RASGEF1A: variants seen among roughly 807,000 people sequenced by gnomAD.
RASGEF1A encodes the protein RasGEF domain family member 1A.
Under a neutral mutation model 56.4 loss-of-function variants are expected in RASGEF1A, and 18 were observed. The observed-to-expected ratio is 0.32, with a 90% CI of 0.22 to 0.47. The LOEUF is 0.47. RASGEF1A is among the 20% of genes least tolerant of loss of function. The pLI is 1.00. For synonymous variants in RASGEF1A, 245 were observed against 242.6 expected (o/e 1.01, Z -0.09); for missense variants, 422 against 627.1 (o/e 0.67, Z 3.49).
At chr10:43,261,914 A>C (rs2133232429) in intron 1 of RASGEF1A, among the ~76,000 whole-genome samples, 1 of 152,328 alleles carries the variant, frequency 6.6e-6, no homozygotes, top group East Asian at 1.9e-4. Flanking sequence ...TGGACCTTGG[A>C]GTCTGCGTCT....
chr10:43,238,466 AT>A (rs1840463853), intron 1 of RASGEF1A, among the ~76,000 whole-genome samples: 1 of 152,090 alleles, frequency 6.6e-6, no homozygotes, highest in Non-Finnish European at 1.5e-5. Flanking sequence ...GTTTACTTAT[AT>A]TTCATTTAAG....
At chr10:43,239,616 T>G (rs926644437) in intron 1 of RASGEF1A, among the ~76,000 whole-genome samples, 10 of 152,226 alleles carry the variant, frequency 6.6e-5, no homozygotes, top group Admixed American at 2.6e-4. Context: ...CTATCCCAAG[T>G]GCCTTGAAAA....
intron 1 of RASGEF1A, among the ~76,000 whole-genome samples, chr10:43,262,297 G>A (rs1331575972): frequency 6.6e-6 from 1 of 152,174 alleles, no homozygotes. Flanking sequence ...CAGATCCAGG[G>A]AGAACTCTCT....
At chr10:43,237,686 CCAGGCCTGAACGCACT>C (rs1840448694) in intron 1 of RASGEF1A, among the ~76,000 whole-genome samples, 1 of 152,172 alleles carries the variant, frequency 6.6e-6, no homozygotes, top group Admixed American at 6.5e-5. Flanking sequence ...CCAACCAAGC[CCAGGCCTGAACGCACT>C]CATGCCAGGA....
intron 1 of RASGEF1A, among the ~76,000 whole-genome samples, chr10:43,254,317 C>T (rs1840663308): frequency 6.6e-6 from 1 of 152,240 alleles, no homozygotes; most frequent in South Asian, 2.1e-4. Context: ...AGGTAGACCC[C>T]CCCAGTGCTG....
In RASGEF1A at chr10:43,199,101, C is replaced by T; in HGVS notation, c.943G>A (p.Ala315Thr). The T allele has an allele frequency of 6.2e-7, 1 of 1,613,724 alleles. No individual in the cohort carries two copies. Among genetic ancestry groups the T allele is most frequent in the Non-Finnish European group, 8.5e-7 (1 of 1,179,932 alleles). The change falls in exon 8 of 13, where the codon GCC becomes ACC. Residue 315 changes from alanine to threonine, a missense_variant. Physicochemically the swap from Ala to Thr is moderately conservative, Grantham distance 58. Transcript: ENST00000395810. ...GTGCCCAGTCACTCACAGATGATGG[C>T]CATCATGGAGTTGAAGTTCCCGATG... ...FNIGNFNSMM[A>T]IISGMNLSPV...
intron 10 of RASGEF1A, 33 bp downstream of exon 10, chr10:43,197,971 C>T (rs199565766): frequency 3.5e-5 from 55 of 1,557,842 alleles, no homozygotes; most frequent in Admixed American, 3.5e-5. Context: ...AGACAGTTTC[C>T]GCCTGGCCTG....
intron 1 of RASGEF1A, chr10:43,208,840 G>A (rs1437001583): frequency 1.0e-6 from 1 of 985,436 alleles, no homozygotes; most frequent in Non-Finnish European, 1.2e-6. Flanking sequence ...CAAGTGGAGA[G>A]GCAGGTTCCC....
intron 4 of RASGEF1A, among the ~76,000 whole-genome samples, chr10:43,201,488 A>G (rs1690381579): frequency 2.0e-5 from 3 of 152,200 alleles, no homozygotes; most frequent in Admixed American, 2.0e-4. Flanking sequence ...AGACAGGCAG[A>G]GCCTTACAAA....
At chr10:43,259,757 G>T (rs1836493247) in intron 1 of RASGEF1A, among the ~76,000 whole-genome samples, 1 of 152,166 alleles carries the variant, frequency 6.6e-6, no homozygotes, top group South Asian at 2.1e-4. Context: ...GGCCAGAGGA[G>T]GGGGGCGTCC....
intron 1 of RASGEF1A, among the ~76,000 whole-genome samples, chr10:43,240,282 C>T (rs762366312): frequency 6.6e-5 from 10 of 152,214 alleles, no homozygotes; most frequent in Non-Finnish European, 1.3e-4. Context: ...CAAAAGAATA[C>T]AGACTTTGCA....
chr10:43,196,113 T>C lies in RASGEF1A; in HGVS notation c.*131A>G, dbSNP rs1839792796. 1.2e-6 allele frequency: 1 copy of C among 861,012 alleles called. No individual in the cohort carries two copies. Among genetic ancestry groups the C allele is most frequent in the Non-Finnish European group, 1.8e-6 (1 of 559,248 alleles). The allele number at this position is 861,012 out of a possible 1,614,324, so 53.3% of individuals were successfully genotyped here. On this transcript the variant is annotated 3_prime_UTR_variant, in exon 13 of 13. Coordinates refer to ENST00000395810, the MANE Select transcript of RASGEF1A (RefSeq NM_145313.4). The surrounding 1 kb of genome is among the most constrained non-coding windows in gnomAD (Gnocchi z 4.6). ...AGGTTGATGCGTGAAATAATTACCA[T>C]TTTTTTCTCATAAAAGTTATATACA...
At chr10:43,243,236 A>T in intron 1 of RASGEF1A, among the ~76,000 whole-genome samples, 1 of 138,964 alleles carries the variant, frequency 7.2e-6, no homozygotes, top group Non-Finnish European at 1.5e-5. Context: ...CCTGTCTAGG[A>T]AGTGAGAAGT....
intron 1 of RASGEF1A, among the ~76,000 whole-genome samples, chr10:43,219,363 C>T (rs1402339898): frequency 6.6e-6 from 1 of 152,202 alleles, no homozygotes; most frequent in Non-Finnish European, 1.5e-5. Context: ...AGGGAGACCC[C>T]TAGGGTGCCA....
chr10:43,250,398 G>C (rs1050756739), intron 1 of RASGEF1A, among the ~76,000 whole-genome samples: 2 of 152,228 alleles, frequency 1.3e-5, no homozygotes, highest in Non-Finnish European at 2.9e-5. Flanking sequence ...ATAGGACACA[G>C]TCGTCCCAGC....
At chr10:43,206,764 A>C in intron 1 of RASGEF1A, 1 of 986,494 alleles carries the variant, frequency 1.0e-6, no homozygotes, top group Non-Finnish European at 1.2e-6. Flanking sequence ...AGTGGCGAGC[A>C]GGGCCACTCC....
intron 1 of RASGEF1A, among the ~76,000 whole-genome samples, chr10:43,225,675 G>A (rs1840270628): frequency 6.6e-6 from 1 of 152,068 alleles, no homozygotes; most frequent in Non-Finnish European, 1.5e-5. Context: ...GGCCTGCTCT[G>A]CCAACCAGCT....
rs565491181 is a variant in RASGEF1A, at chr10:43,205,804, C to T, written c.198+115G>A. 1.4e-5 allele frequency: 12 copies of T among 859,364 alleles called. No homozygotes were observed. The African/African-American group carries it at 1.7e-4, about 12-fold the overall frequency. 53.2% of individuals were successfully genotyped at this position (859,364 alleles called of 1,614,324 possible). ...GCCTGGGCCCCCCACTGCCCTGCCC[C>T]TCCTGCAGCCCTGTCCAGCTCTACC... On this transcript the variant is annotated intron_variant, in intron 2 of 12. Coordinates refer to ENST00000395810, the MANE Select transcript of RASGEF1A (RefSeq NM_145313.4).
At chr10:43,251,000 G>A (rs1287142312) in intron 1 of RASGEF1A, among the ~76,000 whole-genome samples, 1 of 152,256 alleles carries the variant, frequency 6.6e-6, no homozygotes, top group Non-Finnish European at 1.5e-5. Flanking sequence ...CAGCTGAAGG[G>A]AATGTGTGAG....
Sources: gnomAD v4.1 joint callset for allele counts (sites outside exome capture counted in the v4.1 genomes callset) on GRCh38, gnomAD v4.1.1 for gene constraint, Gnocchi (gnomAD v3.1) non-coding constraint, MANE v1.5 for transcripts, NCBI Gene and HGNC (gene_info 2026-07-23, HGNC 2026-07-21) for gene names.